FRYL: variants seen among roughly 807,000 people sequenced by gnomAD.
The protein encoded by FRYL is protein furry homolog-like.
A neutral mutation model predicts 351.2 loss-of-function variants in FRYL; 150 were observed. The ratio of observed to expected loss-of-function variants is 0.43; its 90% CI spans 0.37 to 0.49. FRYL has a LOEUF of 0.49. Among genes scored for constraint, FRYL ranks in the 20% least tolerant of loss-of-function variants. The pLI is 0.00. For missense variants in FRYL, 3,036 were observed against 3,619.3 expected, an observed-to-expected ratio of 0.84 and a Z score of 4.13; for synonymous variants, 1,153 against 1,257.1, an observed-to-expected ratio of 0.92 and a Z score of 1.75.
At chr4:48,529,301 T>C (rs1451574369) in intron 50 of FRYL, among the ~76,000 whole-genome samples, 1 of 152,202 alleles carries the variant, frequency 6.6e-6, no homozygotes, top group Non-Finnish European at 1.5e-5. Flanking sequence ...ACTACACATG[T>C]ATCCACTGGA....
intron 1 of FRYL, among the ~76,000 whole-genome samples, chr4:48,730,158 A>C (rs1770565190): frequency 6.6e-6 from 1 of 152,202 alleles, no homozygotes; most frequent in African/African-American, 2.4e-5. Context: ...AATTAATGAA[A>C]TAAAGTGAGA....
At chr4:48,577,815 G>A (rs533009456) in intron 23 of FRYL, among the ~76,000 whole-genome samples, 3 of 151,778 alleles carry the variant, frequency 2.0e-5, no homozygotes, top group East Asian at 3.9e-4. Flanking sequence ...GTTCGACATT[G>A]CAATGAGCTA....
chr4:48,499,385 C>T lies in FRYL; in HGVS notation c.*37G>A, dbSNP rs1406406050. On this transcript the variant is annotated 3_prime_UTR_variant, in exon 64 of 64. Coordinates refer to ENST00000358350, the MANE Select transcript of FRYL (RefSeq NM_015030.2). ...GTGCTTGGTTAATATTCTTCATCATCTTCAGTTTAGTTTCTTTCCTAAAGG... is the reference window on the plus strand; with the variant it reads ...GTGCTTGGTTAATATTCTTCATCATTTTCAGTTTAGTTTCTTTCCTAAAGG... 1.4e-5 allele frequency: 22 copies of T among 1,595,604 alleles called. No homozygotes were observed. The highest frequency in any genetic ancestry group is 1.8e-5 in the Non-Finnish European group (21 of 1,165,028).
At chr4:48,629,763 T>G (rs1198590041) in intron 4 of FRYL, among the ~76,000 whole-genome samples, 1 of 151,978 alleles carries the variant, frequency 6.6e-6, no homozygotes, top group East Asian at 1.9e-4. Flanking sequence ...ACCCAACTGA[T>G]GCTTTAGAAC....
chr4:48,633,855 A>G (rs1275617799), intron 4 of FRYL, among the ~76,000 whole-genome samples: 1 of 148,038 alleles, frequency 6.8e-6, no homozygotes, highest in Non-Finnish European at 1.5e-5. Flanking sequence ...TCACAATAGC[A>G]TTTACAACTC....
chr4:48,767,457 C>A (rs553299745), intron 1 of FRYL, among the ~76,000 whole-genome samples: 18 of 152,304 alleles, frequency 1.2e-4, no homozygotes, highest in African/African-American at 3.8e-4. Flanking sequence ...CATGCACATA[C>A]ACACACAACA....
chr4:48,594,735 T>C lies in FRYL; in HGVS notation c.1249-719A>G, dbSNP rs189751036. On this transcript the variant is annotated intron_variant, in intron 15 of 63. Transcript: ENST00000358350. The stretch of plus-strand genomic sequence containing the variant: ...ATCATCTAGATTGTTACAGTTTCAG[T>C]TGAAAGAGAATGCAATCAATATTCT... 3.9e-4 allele frequency among the ~76,000 whole-genome samples: 60 copies of C among 152,298 alleles called. 1 individual carries two copies. The East Asian group carries it at 0.011, about 28-fold the overall frequency.
At chr4:48,731,919 T>C (rs553374486) in intron 1 of FRYL, among the ~76,000 whole-genome samples, 2 of 152,214 alleles carry the variant, frequency 1.3e-5, no homozygotes, top group East Asian at 1.9e-4. Flanking sequence ...GAAGCCAAAA[T>C]TGACAAATGG....
rs1167176565 is a variant in FRYL, at chr4:48,549,894, T to A, written c.4634-271A>T. Among the ~76,000 whole-genome samples the A allele has an allele frequency of 6.6e-6, 1 of 152,200 alleles. No individual in the cohort carries two copies. The highest frequency in any genetic ancestry group is 1.5e-5 in the Non-Finnish European group (1 of 68,026). The stretch of plus-strand genomic sequence containing the variant: ...CACTTCATCATGATTCCATCAATGA[T>A]GTCCAAGCCAGGAGATCACATTATT... On this transcript the variant is annotated intron_variant, in intron 38 of 63. Transcript: ENST00000358350. This position sits in a 1 kb window ranked among gnomAD's most constrained non-coding sequence, Gnocchi z 4.2.
chr4:48,681,012 A>C, intron 3 of FRYL: 1 of 1,284,634 alleles, frequency 7.8e-7, no homozygotes. Context: ...TCTCAGATGA[A>C]AGTGAGCTAA....
intron 55 of FRYL, among the ~76,000 whole-genome samples, chr4:48,516,350 T>C (rs1723593445): frequency 1.3e-5 from 2 of 152,176 alleles, no homozygotes; most frequent in Non-Finnish European, 2.9e-5. Flanking sequence ...CAAGAGATAT[T>C]GGTTGAATGA....
intron 1 of FRYL, among the ~76,000 whole-genome samples, chr4:48,721,975 G>A (rs1769521480): frequency 6.6e-6 from 1 of 152,112 alleles, no homozygotes; most frequent in Admixed American, 6.5e-5. Flanking sequence ...GAAATGGGGA[G>A]GCTTTTTTAT....
At chr4:48,558,788 G>C (rs17656076) in intron 33 of FRYL, among the ~76,000 whole-genome samples, 62,638 of 152,036 alleles carry the variant, frequency 0.41, 14,189 homozygotes, top group Admixed American at 0.56. Context: ...CGGAGTCAGA[G>C]TAATTTGCTG....
intron 1 of FRYL, among the ~76,000 whole-genome samples, chr4:48,712,364 A>C (rs1219620646): frequency 6.6e-6 from 1 of 152,198 alleles, no homozygotes; most frequent in Non-Finnish European, 1.5e-5. Context: ...AATACAGAGA[A>C]GTGCTTAAAG....
intron 3 of FRYL, chr4:48,638,178 C>T (rs1471815824): frequency 6.6e-6 from 1 of 151,954 alleles, no homozygotes; most frequent in Admixed American, 6.6e-5. Flanking sequence ...ACCTCACAGC[C>T]ACAAACTTAC....
At chr4:48,659,194 T>C (rs910718137) in intron 3 of FRYL, among the ~76,000 whole-genome samples, 1 of 151,106 alleles carries the variant, frequency 6.6e-6, no homozygotes, top group African/African-American at 2.4e-5. Context: ...CTACTGAAAA[T>C]ACAAAAATTA....
intron 4 of FRYL, among the ~76,000 whole-genome samples, chr4:48,633,083 C>A (rs1161663574): frequency 6.6e-6 from 1 of 152,122 alleles, no homozygotes; most frequent in Non-Finnish European, 1.5e-5. Context: ...ACATCCTTCG[C>A]CTTCCTCTCC....
At chr4:48,731,280 A>T (rs987993808) in intron 1 of FRYL, among the ~76,000 whole-genome samples, 1 of 152,148 alleles carries the variant, frequency 6.6e-6, no homozygotes, top group African/African-American at 2.4e-5. Context: ...ATGGGAAATA[A>T]GAGAGGACAC....
intron 62 of FRYL, 126 bp from the exon 63 acceptor site, chr4:48,500,346 T>G: frequency 1.8e-6 from 1 of 556,538 alleles, no homozygotes. Context: ...AATGTTTGTC[T>G]TGGAAGAAAG....
Sources: gnomAD v4.1 joint callset for allele counts (sites outside exome capture counted in the v4.1 genomes callset) on GRCh38, gnomAD v4.1.1 for gene constraint, Gnocchi (gnomAD v3.1) non-coding constraint, MANE v1.5 for transcripts, NCBI Gene and HGNC (gene_info 2026-07-23, HGNC 2026-07-21) for gene names.